ZC3H12B: variants seen among roughly 807,000 people sequenced by gnomAD.
ZC3H12B encodes the protein zinc finger CCCH-type containing 12B.
Under a neutral mutation model 43.9 loss-of-function variants are expected in ZC3H12B, and 7 were observed. The ratio of observed to expected loss-of-function variants is 0.16; its 90% CI spans 0.09 to 0.30. ZC3H12B has a LOEUF of 0.30. Among genes scored for constraint, ZC3H12B ranks in the 10% least tolerant of loss-of-function variants. The probability of loss-of-function intolerance (pLI) is 1.00; values close to 1 mark genes in which losing one functional copy is unlikely to be tolerated. For synonymous variants in ZC3H12B, 222 were observed against 241.7 expected (o/e 0.92, Z 0.76); for missense variants, 475 against 670.2 (o/e 0.71, Z 3.22).
the ZC3H12B span, among the ~76,000 whole-genome samples, chrX:65,128,180 C>A: frequency 2.7e-5 from 3 of 112,078 alleles, no homozygotes; most frequent in Non-Finnish European, 5.6e-5. Flanking sequence ...TAATCCAAGT[C>A]CAGAGATGTT....
chrX:65,483,190 G>T (rs2068084168), intron 3 of ZC3H12B, among the ~76,000 whole-genome samples: 1 of 111,608 alleles, frequency 9.0e-6, no homozygotes, highest in Non-Finnish European at 1.9e-5. Flanking sequence ...TGCTCTAATT[G>T]CTTGAGGGAA....
intron 2 of ZC3H12B, among the ~76,000 whole-genome samples, chrX:65,389,761 G>A (rs751385819): frequency 2.7e-5 from 3 of 112,107 alleles, no homozygotes; most frequent in Non-Finnish European, 5.6e-5. Context: ...GTTCCTATTC[G>A]GCCATCTTGG....
Position 65,435,644 on chromosome X carries a change from G to GGATAGATAGATGATA in ZC3H12B, n.407+36951_407+36952insGATAGATAGATAGAT, listed in dbSNP as rs1172869483. ...GTTCTCCAGAGAAACAGAACCAATAGGATAGATAGATAGATAGATAGATAG... is the reference window on the plus strand; with the variant it reads ...GTTCTCCAGAGAAACAGAACCAATAGGATAGATAGATGATAGATAGATAGATAGATAGATAGATAG... On this transcript the variant is annotated intron_variant and non_coding_transcript_variant, in intron 3 of 5. Coordinates refer to the ZC3H12B transcript ENST00000617377. Among the ~76,000 whole-genome samples the GGATAGATAGATGATA allele has an allele frequency of 2.4e-4, 23 of 94,397 alleles. No individual in the cohort carries two copies. The Admixed American group carries it at 2.6e-3, about 11-fold the overall frequency. 82.0% of individuals were successfully genotyped at this position (94,397 alleles called of 115,157 possible).
chrX:65,164,878 C>T, the ZC3H12B span, among the ~76,000 whole-genome samples: 37 of 111,988 alleles, frequency 3.3e-4, no homozygotes, highest in African/African-American at 1.1e-3. Flanking sequence ...GATAAGGAAG[C>T]TTTCTTGAAA....
the ZC3H12B span, among the ~76,000 whole-genome samples, chrX:65,169,793 C>A: frequency 3.6e-5 from 4 of 111,833 alleles, no homozygotes; most frequent in African/African-American, 6.5e-5. Context: ...ATGTAATGGC[C>A]TTCTTTGTCT....
At chrX:65,168,461 C>A in the ZC3H12B span, among the ~76,000 whole-genome samples, 1 of 110,866 alleles carries the variant, frequency 9.0e-6, no homozygotes, top group East Asian at 2.8e-4. Context: ...AGGAGTTTTG[C>A]ATCTATGTTC....
At chrX:65,477,817 CTGTGTGTGTG>C (rs746164349) in intron 3 of ZC3H12B, among the ~76,000 whole-genome samples, 10 of 92,977 alleles carry the variant, frequency 1.1e-4, no homozygotes, top group South Asian at 5.2e-4. Context: ...AAACATTCCT[CTGTGTGTGTG>C]TGTGTGTGTG....
chrX:65,064,041 C>T, the ZC3H12B span, among the ~76,000 whole-genome samples: 1 of 111,664 alleles, frequency 9.0e-6, no homozygotes, highest in Non-Finnish European at 1.9e-5. Flanking sequence ...TTTGATTCTT[C>T]TTTCTTTTCT....
the ZC3H12B span, among the ~76,000 whole-genome samples, chrX:65,269,245 T>A: frequency 1.8e-5 from 2 of 109,597 alleles, no homozygotes; most frequent in Non-Finnish European, 3.8e-5. Flanking sequence ...CTCAAGAGGC[T>A]GAGGCAGGAA....
chrX:65,078,583 G>T, the ZC3H12B span, among the ~76,000 whole-genome samples: 1 of 112,050 alleles, frequency 8.9e-6, no homozygotes, highest in Admixed American at 9.4e-5. Flanking sequence ...TATAGGATTT[G>T]ACAATATGGA....
At chrX:65,085,998 C>A in the ZC3H12B span, among the ~76,000 whole-genome samples, 1 of 108,978 alleles carries the variant, frequency 9.2e-6, no homozygotes, top group East Asian at 2.9e-4. Flanking sequence ...AGATAACAAT[C>A]TAATCCTCAG....
At position 65,388,858 on chromosome X, in the gene ZC3H12B, A is replaced by T. The variant is rs764088046; in HGVS notation, n.296-9735A>T. Among the ~76,000 whole-genome samples the T allele has an allele frequency of 8.0e-5, 9 of 112,064 alleles. No homozygotes were observed. The South Asian group carries it at 2.2e-3, about 28-fold the overall frequency. ...TTTCTGTTAGTTTTCCTTCTAACAGACAGGACCCTCAGCTGCAGGTCTGTT... is the reference window on the plus strand; with the variant it reads ...TTTCTGTTAGTTTTCCTTCTAACAGTCAGGACCCTCAGCTGCAGGTCTGTT... On this transcript the variant is annotated intron_variant and non_coding_transcript_variant, in intron 2 of 5. Coordinates refer to the ZC3H12B transcript ENST00000617377.
At chrX:65,353,735 A>G in the ZC3H12B span, among the ~76,000 whole-genome samples, 49 of 111,730 alleles carry the variant, frequency 4.4e-4, no homozygotes, top group African/African-American at 1.6e-3. Flanking sequence ...CACTGCCAGC[A>G]CAGCAGTCTG....
At chrX:65,127,691 C>T in the ZC3H12B span, among the ~76,000 whole-genome samples, 3 of 110,809 alleles carry the variant, frequency 2.7e-5, no homozygotes, top group South Asian at 3.8e-4. Context: ...TTGGGCATGG[C>T]TTTCTGTGGC....
intron 3 of ZC3H12B, among the ~76,000 whole-genome samples, chrX:65,454,979 C>T (rs1008375588): frequency 1.8e-5 from 2 of 111,907 alleles, no homozygotes; most frequent in Non-Finnish European, 3.8e-5. Flanking sequence ...CCCACCTGTA[C>T]ATTACCATCA....
chrX:65,157,785 A>G, the ZC3H12B span, among the ~76,000 whole-genome samples: 1 of 106,956 alleles, frequency 9.3e-6, no homozygotes, highest in Non-Finnish European at 1.9e-5. Context: ...TTTTATTATT[A>G]TTATACTTTA....
At chrX:65,496,948 C>CAAAAAAAAAAAAAAAAAAAAAAAAAAAAA (rs373400545) in intron 1 of ZC3H12B, among the ~76,000 whole-genome samples, 184 bp from the exon 7 acceptor site, 1 of 40,876 alleles carries the variant, frequency 2.4e-5, no homozygotes, top group African/African-American at 5.9e-5. Flanking sequence ...AAAGTGAGAC[C>CAAAAAAAAAAAAAAAAAAAAAAAAAAAAA]AAAAAAAAAA....
chrX:65,326,496 A>G, the ZC3H12B span, among the ~76,000 whole-genome samples: 1 of 110,441 alleles, frequency 9.1e-6, no homozygotes, highest in Non-Finnish European at 1.9e-5. Flanking sequence ...GGGTGACCAC[A>G]GGCCAGGAAT....
chrX:65,036,499 G>C, the ZC3H12B span, among the ~76,000 whole-genome samples: 5 of 111,404 alleles, frequency 4.5e-5, no homozygotes, highest in Non-Finnish European at 7.5e-5. Context: ...AATTTATTGG[G>C]TGAATCTGTC....
Sources: allele counts gnomAD v4.1 joint callset (sites outside exome capture counted in the v4.1 genomes callset), GRCh38; gene constraint gnomAD v4.1.1; transcripts MANE v1.5; gene names NCBI Gene and HGNC (gene_info 2026-07-23, HGNC 2026-07-21).